ARHGEF18: variants seen among roughly 807,000 people sequenced by gnomAD.
ARHGEF18 encodes rho guanine nucleotide exchange factor 18.
A neutral mutation model predicts 155.7 loss-of-function variants in ARHGEF18; 93 were observed. The ratio of observed to expected loss-of-function variants is 0.60; its 90% CI spans 0.50 to 0.71. ARHGEF18 has a LOEUF of 0.71. Ranked by LOEUF, ARHGEF18 falls within the 30% of genes least tolerant of loss-of-function variation. The pLI, the probability that ARHGEF18 is intolerant of heterozygous loss-of-function variation, is 0.00. For synonymous variants in ARHGEF18, 742 were observed against 753.1 expected, an observed-to-expected ratio of 0.99 and a Z score of 0.24; for missense variants, 1,593 against 1,816.1, an observed-to-expected ratio of 0.88 and a Z score of 2.23.
chr19:7,469,442 CG>C (rs1976876284), intron 27 of ARHGEF18, among the ~76,000 whole-genome samples: 1 of 152,168 alleles, frequency 6.6e-6, no homozygotes, highest in Non-Finnish European at 1.5e-5. Flanking sequence ...TCAGCACAGC[CG>C]GGACAGGGAC....
chr19:7,470,044 CCT>C lies in ARHGEF18; in HGVS notation c.3913+16_3913+17del, dbSNP rs772806311. 2.7e-5 allele frequency: 43 copies of C among 1,612,424 alleles called. No homozygotes were observed. In the East Asian group the frequency reaches 4.7e-4, roughly 18 times the overall value. ...GCCCCCACCAGGTGAGCCCCCACCC[CCT>C]GACATGAGCCCAGTCCCAGGGCAGC... On this transcript the variant is annotated intron_variant, in intron 28 of 28. Coordinates refer to ENST00000668164, the MANE Select transcript of ARHGEF18 (RefSeq NM_001367823.1). The surrounding 1 kb of genome is among the most constrained non-coding windows in gnomAD (Gnocchi z 5.9).
downstream of ARHGEF18, chr19:7,472,546 A>C (rs771378369): frequency 1.2e-5 from 2 of 167,320 alleles, no homozygotes; most frequent in Non-Finnish European, 2.6e-5. Context: ...ACGTTGCTGC[A>C]GGAGTAGCAG....
In ARHGEF18 at chr19:7,378,466, C is replaced by T. The variant is rs1970565083; in HGVS notation, c.599+15C>T. 5 of 1,234,270 alleles carry T rather than the reference C, an allele frequency of 4.1e-6. No individual in the cohort carries two copies. The highest frequency in any genetic ancestry group is 1.5e-5 in the African/African-American group (1 of 64,544). The allele number at this position is 1,234,270 out of a possible 1,614,324, so 76.5% of individuals were successfully genotyped here. ...CCAGATCACGTGTGAGTTTCTGCCT[C>T]GTGGTGGGGGAGGGACCCCCAGGGA... On this transcript the variant is annotated intron_variant, in intron 6 of 28. Transcript: ENST00000668164.
intron 10 of ARHGEF18, among the ~76,000 whole-genome samples, chr19:7,405,148 G>A (rs766579114): frequency 6.6e-6 from 1 of 152,022 alleles, no homozygotes; most frequent in Non-Finnish European, 1.5e-5. Flanking sequence ...TAGTAGACAC[G>A]AGGTTTCACC....
intron 10 of ARHGEF18, among the ~76,000 whole-genome samples, chr19:7,414,805 C>CA (rs58827075): frequency 0.082 from 11,881 of 144,778 alleles, 1,230 homozygotes; most frequent in African/African-American, 0.24. Flanking sequence ...GACTCTGTCT[C>CA]AAAAAAAAAG....
chr19:7,402,225 C>G (rs747283234), intron 10 of ARHGEF18, among the ~76,000 whole-genome samples: 6 of 152,106 alleles, frequency 3.9e-5, no homozygotes, highest in Non-Finnish European at 7.4e-5. Flanking sequence ...TCGAGACCAG[C>G]CTGGCCAACA....
At chr19:7,473,249 G>A (rs1452290492), downstream of ARHGEF18, 1 of 456,090 alleles carries the variant, frequency 2.2e-6, no homozygotes, top group Non-Finnish European at 4.4e-6. Context: ...GGGACTAGGT[G>A]TAAAGTCGAT....
At chr19:7,384,817 G>A (rs8113478) in intron 10 of ARHGEF18, among the ~76,000 whole-genome samples, 4,912 of 151,328 alleles carry the variant, frequency 0.032, 249 homozygotes, top group African/African-American at 0.11. Flanking sequence ...TCCTCCTCCC[G>A]AGTAGCTGGG....
intron 10 of ARHGEF18, among the ~76,000 whole-genome samples, chr19:7,433,507 CAAAAAA>C (rs35825715): frequency 3.4e-5 from 2 of 58,286 alleles, no homozygotes; most frequent in South Asian, 8.1e-4. Flanking sequence ...ACTCCGTCTC[CAAAAAA>C]AAAAAAAAAA....
intron 1 of ARHGEF18, chr19:7,355,484 C>T (rs1177709220): frequency 2.4e-6 from 1 of 423,408 alleles, no homozygotes; most frequent in Non-Finnish European, 3.2e-6. Flanking sequence ...ACCCCAGCCC[C>T]CCTGCTGAAG....
In ARHGEF18 at chr19:7,382,847, C is replaced by T. The variant is rs952898619; in HGVS notation, c.778C>T (p.Arg260Cys). The T allele has an allele frequency of 5.9e-5, 73 of 1,232,580 alleles. No individual in the cohort carries two copies. Among genetic ancestry groups the T allele is most frequent in the Middle Eastern group, 6.2e-4 (2 of 3,210 alleles). The allele number at this position is 1,232,580 out of a possible 1,614,324, so 76.4% of individuals were successfully genotyped here. A position where few individuals can be genotyped will look rare whatever the true frequency, so the allele number is the denominator to read the frequency against. Reference sequence around the variant, plus strand: ...GAGTGACAAGAGTACCAGTGTGAAGCGCAGGCTGAGCTGCCTCCGCAGTCG... The same window carrying T: ...GAGTGACAAGAGTACCAGTGTGAAGTGCAGGCTGAGCTGCCTCCGCAGTCG... ...EKSDKSTSVK[R>C]RLSCLRSRVT... Residue 260 changes from arginine to cysteine, a missense_variant, in exon 9 of 29, where the codon CGC (arginine) becomes TGC (cysteine). Transcript: ENST00000668164.
chr19:7,468,468 G>T (rs1413341043), intron 26 of ARHGEF18, among the ~76,000 whole-genome samples: 1 of 152,146 alleles, frequency 6.6e-6, no homozygotes. Flanking sequence ...GATCATTTGA[G>T]CCCAAGAGGC....
Position 7,444,578 on chromosome 19 carries a change from A to G in ARHGEF18, c.1611+124A>G. ...CAGGCTGGAGTGCAGTGGTGCAGTCACAGCTCAATGCAGCCTCAACCTCTC... is the reference window on the plus strand; with the variant it reads ...CAGGCTGGAGTGCAGTGGTGCAGTCGCAGCTCAATGCAGCCTCAACCTCTC... On this transcript the variant is annotated intron_variant, in intron 14 of 28. Transcript: ENST00000668164. This position sits in a 1 kb window ranked among gnomAD's most constrained non-coding sequence, Gnocchi z 4.7. 2.2e-6 allele frequency: 3 copies of G among 1,358,402 alleles called. No individual in the cohort carries two copies. The Admixed American group carries it at 7.0e-5, about 32-fold the overall frequency. The allele number at this position is 1,358,402 out of a possible 1,614,324, so 84.1% of individuals were successfully genotyped here.
At chr19:7,391,211 C>G (rs1311448169) in intron 10 of ARHGEF18, among the ~76,000 whole-genome samples, 1 of 152,128 alleles carries the variant, frequency 6.6e-6, no homozygotes, top group Non-Finnish European at 1.5e-5. Flanking sequence ...TCCCCACAGG[C>G]CTACCTGCTT....
Position 7,467,513 on chromosome 19 carries a change from G to GC in ARHGEF18, c.3310dup (p.Gln1104ProfsTer178). ...CGCGGCAGCTACGCGAGCGGCTGGA[G>GC]CAGGAGCGGGCCGAGCTGGAGCGCC... On this transcript the variant is annotated frameshift_variant, in exon 26 of 29. Coordinates refer to ENST00000668164, the MANE Select transcript of ARHGEF18 (RefSeq NM_001367823.1). LOFTEE classifies it high-confidence loss of function. 1 of 1,431,982 alleles carries GC rather than the reference G, an allele frequency of 7.0e-7. No individual in the cohort carries two copies. The highest frequency in any genetic ancestry group is 9.0e-7 in the Non-Finnish European group (1 of 1,105,020). 88.7% of individuals were successfully genotyped at this position (1,431,982 alleles called of 1,614,324 possible).
intron 10 of ARHGEF18, among the ~76,000 whole-genome samples, chr19:7,410,873 C>T (rs11880904): frequency 0.75 from 111,719 of 148,446 alleles, 42,319 homozygotes; most frequent in East Asian, 0.9. Context: ...GTCAATAGAA[C>T]TAACATAATT....
chr19:7,382,385 ACT>A (rs1277754146), intron 8 of ARHGEF18, among the ~76,000 whole-genome samples: 2 of 148,312 alleles, frequency 1.3e-5, no homozygotes, highest in East Asian at 4.0e-4. Flanking sequence ...ACAGAGTGAG[ACT>A]CTGTCTCAAA....
chr19:7,418,448 T>C (rs914356130), intron 10 of ARHGEF18, among the ~76,000 whole-genome samples: 1 of 151,618 alleles, frequency 6.6e-6, no homozygotes, highest in African/African-American at 2.4e-5. Context: ...AGAAATGGGG[T>C]TTTGCAATGT....
At chr19:7,453,214 C>CA (rs112229443) in intron 16 of ARHGEF18, among the ~76,000 whole-genome samples, 33 of 150,674 alleles carry the variant, frequency 2.2e-4, no homozygotes, top group African/African-American at 6.7e-4. Context: ...CTCCCCCCCC[C>CA]AAAAAAAACC....
Sources: gnomAD v4.1 joint callset for allele counts (sites outside exome capture counted in the v4.1 genomes callset) on GRCh38, gnomAD v4.1.1 for gene constraint, Gnocchi (gnomAD v3.1) non-coding constraint, MANE v1.5 for transcripts, NCBI Gene and HGNC (gene_info 2026-07-23, HGNC 2026-07-21) for gene names.